SLC24A3: variants seen among roughly 807,000 people sequenced by gnomAD.
SLC24A3 encodes sodium/potassium/calcium exchanger 3.
Under a neutral mutation model 75.8 loss-of-function variants are expected in SLC24A3, and 28 were observed. The observed-to-expected ratio is 0.37, with a 90% CI of 0.27 to 0.51. SLC24A3 has a LOEUF of 0.51. Ranked by LOEUF, SLC24A3 falls within the 20% of genes least tolerant of loss-of-function variation. The pLI is 0.94. For missense variants in SLC24A3, 663 were observed against 847.8 expected, an observed-to-expected ratio of 0.78 and a Z score of 2.71; for synonymous variants, 372 against 334.1, an observed-to-expected ratio of 1.11 and a Z score of -1.24.
chr20:19,243,586 G>A (rs1982396126), intron 1 of SLC24A3, among the ~76,000 whole-genome samples: 1 of 152,206 alleles, frequency 6.6e-6, no homozygotes, highest in African/African-American at 2.4e-5. Context: ...ATTCATGGCA[G>A]AATTGAACTT....
chr20:19,413,503 G>A (rs1034667485), intron 2 of SLC24A3, among the ~76,000 whole-genome samples: 6 of 152,152 alleles, frequency 3.9e-5, no homozygotes, highest in Non-Finnish European at 7.3e-5. Context: ...GTTCTTTAAA[G>A]GAGACTGTCT....
intron 3 of SLC24A3, among the ~76,000 whole-genome samples, chr20:19,519,316 G>C (rs1390454624): frequency 6.6e-6 from 1 of 152,180 alleles, no homozygotes; most frequent in Non-Finnish European, 1.5e-5. Context: ...GACAAAGCTT[G>C]CATTCTTTTT....
intron 2 of SLC24A3, among the ~76,000 whole-genome samples, chr20:19,424,235 C>T (rs140881086): frequency 1.6e-3 from 241 of 152,152 alleles, no homozygotes; most frequent in African/African-American, 5.5e-3. Context: ...CATTTTGAAA[C>T]GTACAAATCT....
intron 3 of SLC24A3, among the ~76,000 whole-genome samples, chr20:19,544,578 A>T (rs2030556496): frequency 6.6e-6 from 1 of 152,058 alleles, no homozygotes; most frequent in Non-Finnish European, 1.5e-5. Context: ...AGGAGGGAAG[A>T]TTGCTCATCA....
At chr20:19,478,519 C>T (rs139123221) in intron 2 of SLC24A3, among the ~76,000 whole-genome samples, 1 of 152,180 alleles carries the variant, frequency 6.6e-6, no homozygotes, top group Admixed American at 6.5e-5. Context: ...CTGAAAGAAC[C>T]ACAGCCCCCC....
intron 1 of SLC24A3, among the ~76,000 whole-genome samples, chr20:19,280,362 C>A (rs1245105706): frequency 1.3e-5 from 2 of 152,108 alleles, no homozygotes; most frequent in Admixed American, 6.5e-5. Flanking sequence ...TGCTTGATAA[C>A]CCCCAGAAGC....
At chr20:19,372,708 C>G (rs1352270265) in intron 2 of SLC24A3, among the ~76,000 whole-genome samples, 1 of 152,096 alleles carries the variant, frequency 6.6e-6, no homozygotes, top group Non-Finnish European at 1.5e-5. Context: ...TGCTGGTCAC[C>G]TTAGTTATGA....
intron 6 of SLC24A3, among the ~76,000 whole-genome samples, chr20:19,600,196 A>G (rs960635118): frequency 1.3e-5 from 2 of 152,144 alleles, no homozygotes; most frequent in African/African-American, 4.8e-5. Context: ...CCTCGGCCCC[A>G]GCTCCAGCTC....
At chr20:19,612,767 CCT>C (rs2031688022) in intron 6 of SLC24A3, among the ~76,000 whole-genome samples, 1 of 152,178 alleles carries the variant, frequency 6.6e-6, no homozygotes, top group Admixed American at 6.5e-5. Flanking sequence ...CAGGGCTCTC[CCT>C]GTTTCTTTCC....
At chr20:19,496,574 T>C (rs774315040) in intron 2 of SLC24A3, among the ~76,000 whole-genome samples, 1 of 152,194 alleles carries the variant, frequency 6.6e-6, no homozygotes, top group Admixed American at 6.5e-5. Context: ...GTGTGGCTCC[T>C]GAGTTAGCCT....
intron 2 of SLC24A3, among the ~76,000 whole-genome samples, chr20:19,428,754 G>A (rs1987054360): frequency 6.6e-6 from 1 of 151,516 alleles, no homozygotes; most frequent in Admixed American, 6.6e-5. Flanking sequence ...TGGGTACGTT[G>A]CAGCTTCCTT....
intron 2 of SLC24A3, among the ~76,000 whole-genome samples, chr20:19,325,356 G>A (rs2122283121): frequency 6.6e-6 from 1 of 152,110 alleles, no homozygotes; most frequent in East Asian, 1.9e-4. Flanking sequence ...TGAGGCAGGA[G>A]GATCCCTTGA....
chr20:19,316,535 C>G (rs932811910), intron 2 of SLC24A3, among the ~76,000 whole-genome samples: 1 of 152,134 alleles, frequency 6.6e-6, no homozygotes, highest in Non-Finnish European at 1.5e-5. Context: ...TAAAAAAATC[C>G]AATCTTGAAA....
intron 3 of SLC24A3, among the ~76,000 whole-genome samples, chr20:19,516,205 G>T (rs146573680): frequency 1.3e-3 from 191 of 152,322 alleles, no homozygotes; most frequent in African/African-American, 4.4e-3. Flanking sequence ...AGCATCTTCT[G>T]CCACAGAGCC....
intron 15 of SLC24A3, among the ~76,000 whole-genome samples, chr20:19,702,708 C>A (rs149705902): frequency 1.3e-5 from 2 of 152,078 alleles, no homozygotes; most frequent in East Asian, 3.9e-4. Flanking sequence ...GTAATATAAT[C>A]AATAAACAGT....
At chr20:19,579,283 T>C (rs1050258130) in intron 3 of SLC24A3, among the ~76,000 whole-genome samples, 1 of 152,086 alleles carries the variant, frequency 6.6e-6, no homozygotes, top group Admixed American at 6.5e-5. Flanking sequence ...TTGGATACAG[T>C]GGAGAGGCAA....
chr20:19,586,690 G>A (rs2031301620), intron 6 of SLC24A3, among the ~76,000 whole-genome samples: 1 of 152,170 alleles, frequency 6.6e-6, no homozygotes, highest in Non-Finnish European at 1.5e-5. Context: ...CGTGCCTATT[G>A]ATTTGTCTGG....
intron 13 of SLC24A3, chr20:19,695,438 CTTTT>C (rs1568701188): frequency 6.6e-6 from 1 of 152,154 alleles, no homozygotes; most frequent in Non-Finnish European, 1.5e-5. Flanking sequence ...CCACTTACCT[CTTTT>C]TTTGCCACCA....
chr20:19,439,982 A>G (rs371184417), intron 2 of SLC24A3, among the ~76,000 whole-genome samples: 7 of 152,232 alleles, frequency 4.6e-5, no homozygotes, highest in African/African-American at 1.7e-4. Flanking sequence ...TTTTAGTTCA[A>G]TACAAGAAAT....
Sources: gnomAD v4.1 joint callset for allele counts (sites outside exome capture counted in the v4.1 genomes callset) on GRCh38, gnomAD v4.1.1 for gene constraint, MANE v1.5 for transcripts, NCBI Gene and HGNC (gene_info 2026-07-23, HGNC 2026-07-21) for gene names.